The following LAD1 variants were observed in gnomAD, a reference collection of about 807,000 sequenced individuals.
LAD1 encodes the protein ladinin 1.
In LAD1, 53 loss-of-function variants were observed where a neutral mutation model predicts 54.2. The ratio of observed to expected loss-of-function variants is 0.98; its 90% CI spans 0.78 to 1.23. The LOEUF (loss-of-function observed/expected upper bound fraction) is 1.23. Ranked by LOEUF, LAD1 falls within the 50% of genes most tolerant of loss-of-function variation. The pLI is 0.00. For missense variants in LAD1, 637 were observed against 653.3 expected, an observed-to-expected ratio of 0.98 and a Z score of 0.27; for synonymous variants, 231 against 257.7, an observed-to-expected ratio of 0.90 and a Z score of 0.99.
rs778653990 is a variant in LAD1 at position 201,386,794 on chromosome 1, C to T, written c.567G>A (p.Thr189=). The change falls in exon 3 of 10, where the codon ACG becomes ACA. Residue 189 remains threonine, a synonymous_variant. Coordinates refer to ENST00000391967, the MANE Select transcript of LAD1 (RefSeq NM_005558.4). The part of the protein sequence containing the change: ...VLEKSSMPKK[T]APEKSLVSDK... ...CGGAGACCAGGCTCTTTTCAGGTGC[C>T]GTCTTCTTTGGCATGGAGGACTTCT... The T allele has an allele frequency of 9.9e-6, 16 of 1,613,864 alleles. No homozygotes were observed. The highest frequency in any genetic ancestry group is 8.9e-5 in the East Asian group (4 of 44,898).
At chr1:201,384,900 G>A (rs1662043326) in intron 4 of LAD1, 65 bp from the exon 5 acceptor site, 2 of 1,496,642 alleles carry the variant, frequency 1.3e-6, no homozygotes, top group Middle Eastern at 2.2e-4. Flanking sequence ...CCCCTCGAGT[G>A]AGGAGCCCAG....
At position 201,381,669 on chromosome 1, in the gene LAD1, C is replaced by G. The variant is rs950027041; in HGVS notation, c.*219G>C. 6.3e-6 allele frequency: 4 copies of G among 633,702 alleles called. No individual in the cohort carries two copies. The South Asian group carries it at 7.4e-5, about 12-fold the overall frequency. The allele number at this position is 633,702 out of a possible 1,614,324, so 39.3% of individuals were successfully genotyped here. A position where few individuals can be genotyped will look rare whatever the true frequency, so the allele number is the denominator to read the frequency against. The stretch of plus-strand genomic sequence containing the variant: ...GGGTCCCAGCATCTGTTGTGCCTGC[C>G]GCAGGGTGAGAAAGTCCCAGCCCCA... On this transcript the variant is annotated 3_prime_UTR_variant, in exon 10 of 10. Transcript: ENST00000391967.
rs1348593053 is a variant in LAD1, at chr1:201,391,084, A to G, written c.39-1781T>C. 7 of 456,334 alleles carry G rather than the reference A, an allele frequency of 1.5e-5. 1 individual carries two copies. In the Middle Eastern group the frequency reaches 9.7e-4, roughly 63 times the overall value. The allele number at this position is 456,334 out of a possible 1,614,324, so 28.3% of individuals were successfully genotyped here. ...TACAAACAAAACCATTTACCCATGG[A>G]AAAAACTCCAATATCGCCTTCCTTT... is the stretch of plus-strand genomic sequence containing the variant. On this transcript the variant is annotated intron_variant, in intron 1 of 9. Transcript: ENST00000391967.
chr1:201,381,936 G>A lies in LAD1; in HGVS notation c.1549-43C>T, dbSNP rs1264127346. 5.6e-6 allele frequency: 9 copies of A among 1,604,758 alleles called. No individual in the cohort carries two copies. In the Admixed American group the frequency reaches 8.4e-5, roughly 15 times the overall value. The stretch of plus-strand genomic sequence containing the variant: ...GTTAGCACAAGTCAATGGGGTGTCA[G>A]GGATGGAAGGGGAAGGGGGCCACTG... On this transcript the variant is annotated intron_variant, in intron 9 of 9. Coordinates refer to ENST00000391967, the MANE Select transcript of LAD1 (RefSeq NM_005558.4).
Position 201,386,903 on chromosome 1 carries a change from G to A in LAD1, c.458C>T (p.Pro153Leu). Reference sequence around the variant, plus strand: ...CAAGCTCTCCTCCTCCAGGGCCCAGGGGCCCCGCTGTTCCCGACTCAGTCT... The same window carrying A: ...CAAGCTCTCCTCCTCCAGGGCCCAGAGGCCCCGCTGTTCCCGACTCAGTCT... ...RRRLSREQRG[P>L]WALEEESLVG... Residue 153 changes from proline (P) to leucine (L), a missense_variant, in exon 3 of 10, where the codon CCC (proline) becomes CTC (leucine). Transcript: ENST00000391967. The A allele has an allele frequency of 6.2e-7, 1 of 1,613,814 alleles. No homozygotes were observed. The highest frequency in any genetic ancestry group is 8.5e-7 in the Non-Finnish European group (1 of 1,179,986).
intron 4 of LAD1, among the ~76,000 whole-genome samples, chr1:201,385,164 C>T (rs59673258): frequency 0.09 from 13,749 of 152,236 alleles, 675 homozygotes; most frequent in African/African-American, 0.12. Flanking sequence ...ATTGGGCCAC[C>T]TCTCCAGGGC....
Position 201,387,114 on chromosome 1 carries a change from C to T in LAD1, c.247G>A (p.Glu83Lys), listed in dbSNP as rs769838822. 18 of 1,578,494 alleles carry T rather than the reference C, an allele frequency of 1.1e-5. No homozygotes were observed. Among genetic ancestry groups the T allele is most frequent in the South Asian group, 4.7e-5 (4 of 84,304 alleles). Residue 83 changes from glutamate (E) to lysine (K), a missense_variant, in exon 3 of 10, where the codon GAG (glutamate) becomes AAG (lysine). Coordinates refer to ENST00000391967, the MANE Select transcript of LAD1 (RefSeq NM_005558.4). Reference protein sequence around the residue: ...PLPPASKDEDEDIQSILRTRQ... With the variant: ...PLPPASKDEDKDIQSILRTRQ... The stretch of plus-strand genomic sequence containing the variant: ...GTTCTGAGGATGCTCTGGATGTCCT[C>T]GTCCTCATCTTTGGAGGCTGGGGGC...
intron 1 of LAD1, among the ~76,000 whole-genome samples, chr1:201,393,379 G>A (rs1396547196): frequency 6.6e-6 from 1 of 152,206 alleles, no homozygotes; most frequent in Admixed American, 6.5e-5. Context: ...AGCCTGAGCA[G>A]GCTGGTGGGG....
Position 201,383,344 on chromosome 1 carries a change from C to T in LAD1, c.1221G>A (p.Lys407=). Residue 407 remains lysine (K), a synonymous_variant, in exon 6 of 10, where the codon AAG becomes AAA. Coordinates refer to ENST00000391967, the MANE Select transcript of LAD1 (RefSeq NM_005558.4). ...GTATGGCCGTGTGGTATCTCTCCAG[C>T]TTCTCTCCCAACTTCACTGTGTTGT... is the stretch of plus-strand genomic sequence containing the variant. The part of the protein sequence containing the change: ...LPDNTVKLGE[K]LERYHTAIRR... 1.2e-6 allele frequency: 2 copies of T among 1,614,064 alleles called. No individual in the cohort carries two copies. The highest frequency in any genetic ancestry group is 1.3e-5 in the African/African-American group (1 of 75,038).
intron 2 of LAD1, among the ~76,000 whole-genome samples, chr1:201,387,894 A>G (rs1662127295): frequency 6.6e-6 from 1 of 152,178 alleles, no homozygotes; most frequent in Non-Finnish European, 1.5e-5. Context: ...CCTGCTCTCC[A>G]TGTGCTTTCA....
intron 2 of LAD1, 131 bp downstream of exon 2, chr1:201,389,029 T>C: frequency 1.9e-6 from 2 of 1,079,808 alleles, no homozygotes; most frequent in Non-Finnish European, 2.7e-6. Context: ...GGTGGGGAAC[T>C]GGAAATTCAT....
chr1:201,387,315 C>T, intron 2 of LAD1, 137 bp from the exon 3 acceptor site: 1 of 767,696 alleles, frequency 1.3e-6, no homozygotes, highest in South Asian at 4.0e-5. Context: ...CGGCTCACCA[C>T]CACCTTTATC....
rs1257755751 is a variant in LAD1 at position 201,383,240 on chromosome 1, C to T, written c.1249-29G>A. Reference sequence around the variant, plus strand: ...GGAACCAAGAACACCAACAGCTGACCCATGCTGGGGAGGGGAAAGGGCCAT... The same window carrying T: ...GGAACCAAGAACACCAACAGCTGACTCATGCTGGGGAGGGGAAAGGGCCAT... On this transcript the variant is annotated intron_variant, in intron 6 of 9. Coordinates refer to ENST00000391967, the MANE Select transcript of LAD1 (RefSeq NM_005558.4). 5.6e-6 allele frequency: 9 copies of T among 1,613,840 alleles called. No individual in the cohort carries two copies. The South Asian group carries it at 9.9e-5, about 18-fold the overall frequency.
intron 1 of LAD1, among the ~76,000 whole-genome samples, chr1:201,398,860 A>C (rs1450460147): frequency 6.6e-6 from 1 of 151,882 alleles, no homozygotes; most frequent in East Asian, 1.9e-4. Flanking sequence ...GCTGTGGGAC[A>C]CCTCCCAGGG....
At chr1:201,390,343 G>A (rs1571723022) in intron 1 of LAD1, among the ~76,000 whole-genome samples, 1 of 150,770 alleles carries the variant, frequency 6.6e-6, no homozygotes, top group East Asian at 2.0e-4. Flanking sequence ...ATCAAGACTT[G>A]GTGAAACCCT....
In LAD1 at chr1:201,387,175, T is replaced by C. The variant is rs769283990; in HGVS notation, c.186A>G (p.Leu62=). ...GDRQASASER[L]PSVEEAEVPK... is the part of the protein sequence containing the mutation. Reference sequence around the variant, plus strand: ...GCACCTCTGCTTCTTCCACGCTCGGTAGTCTGAATCAGAAGATGGGAGACA... The same window carrying C: ...GCACCTCTGCTTCTTCCACGCTCGGCAGTCTGAATCAGAAGATGGGAGACA... Residue 62 remains leucine (L), a synonymous_variant, in exon 3 of 10, where the codon CTA becomes CTG. Coordinates refer to ENST00000391967, the MANE Select transcript of LAD1 (RefSeq NM_005558.4). 60 of 1,506,454 alleles carry C rather than the reference T, an allele frequency of 4.0e-5. No individual in the cohort carries two copies. The highest frequency in any genetic ancestry group is 3.0e-5 in the Non-Finnish European group (34 of 1,129,840). The allele number at this position is 1,506,454 out of a possible 1,614,324, so 93.3% of individuals were successfully genotyped here.
Sources: allele counts gnomAD v4.1 joint callset (sites outside exome capture counted in the v4.1 genomes callset), GRCh38; gene constraint gnomAD v4.1.1; transcripts MANE v1.5; gene names NCBI Gene and HGNC (gene_info 2026-07-23, HGNC 2026-07-21).